Variants in RBFOX1 observed in about 807,000 individuals in gnomAD.
The protein encoded by RBFOX1 is RNA binding fox-1 homolog 1.
Under a neutral mutation model 57.7 loss-of-function variants are expected in RBFOX1, and 8 were observed. The observed-to-expected ratio is 0.14, with a 90% confidence interval of 0.08 to 0.25. RBFOX1 has a LOEUF of 0.25. Ranked by LOEUF, RBFOX1 falls within the 10% of genes least tolerant of loss-of-function variation. The probability of loss-of-function intolerance (pLI) is 1.00; values close to 1 mark genes in which losing one functional copy is unlikely to be tolerated. For synonymous variants in RBFOX1, 326 were observed against 222.4 expected (o/e 1.47, Z -4.15); for missense variants, 611 against 548.5 (o/e 1.11, Z -1.14).
chr16:6,098,192 C>A (rs1360302460), intron 1 of RBFOX1, among the ~76,000 whole-genome samples: 1 of 152,194 alleles, frequency 6.6e-6, no homozygotes, highest in Non-Finnish European at 1.5e-5. Context: ...TCTTCCCCAC[C>A]CTGGGAGGGC....
intron 1 of RBFOX1, among the ~76,000 whole-genome samples, chr16:5,268,347 A>G (rs547152102): frequency 4.6e-5 from 7 of 152,340 alleles, no homozygotes; most frequent in Non-Finnish European, 8.8e-5. Flanking sequence ...TCAGCACATC[A>G]TCTTTGGAGT....
intron 3 of RBFOX1, among the ~76,000 whole-genome samples, chr16:6,773,120 A>G (rs1385778798): frequency 1.2e-4 from 10 of 86,672 alleles, no homozygotes; most frequent in Admixed American, 2.5e-4. Context: ...GTGTATGTGT[A>G]TATTGGGGTG....
intron 1 of RBFOX1, among the ~76,000 whole-genome samples, chr16:6,227,256 C>T (rs1308184919): frequency 3.3e-5 from 5 of 152,124 alleles, no homozygotes; most frequent in African/African-American, 9.7e-5. Flanking sequence ...TTAAAACGCA[C>T]CCTCAGAGCG....
chr16:5,761,192 C>G (rs565337454), intron 3 of RBFOX1, among the ~76,000 whole-genome samples: 1 of 152,226 alleles, frequency 6.6e-6, no homozygotes, highest in South Asian at 2.1e-4. Flanking sequence ...CCTCTCGCTG[C>G]TGTTTATTTT....
chr16:7,063,992 A>G (rs1701147871), intron 4 of RBFOX1, among the ~76,000 whole-genome samples: 1 of 152,152 alleles, frequency 6.6e-6, no homozygotes. Flanking sequence ...CAACTATACT[A>G]AATTATCATG....
chr16:6,526,670 A>C (rs1193955540), intron 2 of RBFOX1, among the ~76,000 whole-genome samples: 1 of 151,790 alleles, frequency 6.6e-6, no homozygotes, highest in Non-Finnish European at 1.5e-5. Context: ...GTCTACTAAA[A>C]ATACAAAAAA....
At chr16:6,949,446 G>T (rs73545308) in intron 3 of RBFOX1, among the ~76,000 whole-genome samples, 1 of 152,164 alleles carries the variant, frequency 6.6e-6, no homozygotes, top group East Asian at 1.9e-4. Flanking sequence ...GGTTGCGTAA[G>T]CAACACAGAT....
chr16:6,046,936 A>G (rs551242095), intron 1 of RBFOX1, among the ~76,000 whole-genome samples: 1 of 152,280 alleles, frequency 6.6e-6, no homozygotes, highest in African/African-American at 2.4e-5. Flanking sequence ...GTCTAAGTAT[A>G]TGGTAACGGA....
At position 6,071,948 on chromosome 16, in the gene RBFOX1, T is replaced by C. The variant is rs180768351; in HGVS notation, c.-127+51956T>C. 2.8e-4 allele frequency among the ~76,000 whole-genome samples: 42 copies of C among 152,352 alleles called. 1 individual carries two copies. The highest frequency in any genetic ancestry group is 9.4e-4 in the African/African-American group (39 of 41,584). ...TAAGGCTGAATAATATTCCATTGTA[T>C]GTATACACGACATTTTCTTCATTCA... On this transcript the variant is annotated intron_variant, in intron 1 of 15. Coordinates refer to ENST00000550418, the MANE Select transcript of RBFOX1 (RefSeq NM_018723.4).
intron 3 of RBFOX1, among the ~76,000 whole-genome samples, chr16:5,801,512 G>C (rs866887712): frequency 9.9e-5 from 15 of 152,170 alleles, no homozygotes; most frequent in South Asian, 2.1e-4. Context: ...TTGAAAAGCA[G>C]AGACATATGT....
chr16:6,904,323 AGG>A, intron 3 of RBFOX1, among the ~76,000 whole-genome samples: 1 of 152,126 alleles, frequency 6.6e-6, no homozygotes, highest in Admixed American at 6.5e-5. Flanking sequence ...TCTTTAGGCC[AGG>A]TGGGCTGGCT....
At chr16:6,402,860 G>T (rs13338567) in intron 2 of RBFOX1, among the ~76,000 whole-genome samples, 2 of 152,130 alleles carry the variant, frequency 1.3e-5, no homozygotes, top group African/African-American at 4.8e-5. Flanking sequence ...AAGAATTTAA[G>T]TGTAACCGAG....
intron 3 of RBFOX1, among the ~76,000 whole-genome samples, chr16:7,005,904 A>G (rs553788953): frequency 6.6e-6 from 1 of 152,208 alleles, no homozygotes; most frequent in South Asian, 2.1e-4. Flanking sequence ...ATACCCAGTG[A>G]TATAATTGGT....
chr16:6,357,108 C>T (rs1020411975), intron 2 of RBFOX1, among the ~76,000 whole-genome samples: 3 of 152,034 alleles, frequency 2.0e-5, no homozygotes, highest in Non-Finnish European at 4.4e-5. Flanking sequence ...AGTCCCTCCC[C>T]TCCTGCCCTG....
intron 3 of RBFOX1, among the ~76,000 whole-genome samples, chr16:5,670,080 C>A (rs894800187): frequency 1.5e-4 from 23 of 151,568 alleles, no homozygotes; most frequent in African/African-American, 5.3e-4. Flanking sequence ...AAGCCAGACA[C>A]AAAAGGTCAC....
chr16:6,066,220 G>A (rs577155202), intron 1 of RBFOX1, among the ~76,000 whole-genome samples: 44 of 149,832 alleles, frequency 2.9e-4, no homozygotes, highest in Non-Finnish European at 5.3e-4. Flanking sequence ...CTTGAACTGG[G>A]GGGGTTGGAG....
chr16:5,495,386 G>A (rs1322748384), intron 2 of RBFOX1, among the ~76,000 whole-genome samples: 2 of 152,174 alleles, frequency 1.3e-5, no homozygotes, highest in Admixed American at 6.5e-5. Context: ...ACCAGATCTC[G>A]GGAGAACTTG....
chr16:5,455,033 G>C (rs7500031), intron 1 of RBFOX1, among the ~76,000 whole-genome samples: 3,353 of 66,598 alleles, frequency 0.05, 140 homozygotes, highest in East Asian at 0.074. Flanking sequence ...CTCTCTCTCT[G>C]TCTGTCTCTC....
intron 3 of RBFOX1, among the ~76,000 whole-genome samples, chr16:6,975,047 A>T (rs370006383): frequency 6.6e-6 from 1 of 152,058 alleles, no homozygotes; most frequent in Non-Finnish European, 1.5e-5. Context: ...TTTTGATCCA[A>T]TTGTTTAAAA....
Sources: allele counts gnomAD v4.1 joint callset (sites outside exome capture counted in the v4.1 genomes callset), GRCh38; gene constraint gnomAD v4.1.1; transcripts MANE v1.5; gene names NCBI Gene and HGNC (gene_info 2026-07-23, HGNC 2026-07-21).